Variants in TRAF3IP3 observed in about 807,000 individuals in gnomAD.
TRAF3IP3 encodes the protein TRAF3-interacting JNK-activating modulator.
Under a neutral mutation model 86.5 loss-of-function variants are expected in TRAF3IP3, and 64 were observed. The ratio of observed to expected loss-of-function variants is 0.74; its 90% confidence interval spans 0.60 to 0.91. TRAF3IP3 has a LOEUF of 0.91. Ranked by LOEUF, TRAF3IP3 falls within the 40% of genes least tolerant of loss-of-function variation. The pLI is 0.00. For synonymous variants in TRAF3IP3, 220 were observed against 243.9 expected, an observed-to-expected ratio of 0.90 and a Z score of 0.91; for missense variants, 579 against 642.9, an observed-to-expected ratio of 0.90 and a Z score of 1.07.
chr1:209,760,707 A>G (rs1300920500), intron 3 of TRAF3IP3, among the ~76,000 whole-genome samples: 1 of 152,180 alleles, frequency 6.6e-6, no homozygotes, highest in African/African-American at 2.4e-5. Context: ...CCAAGGCAGG[A>G]GGATCACTTG....
Position 209,763,409 on chromosome 1 carries a change from C to A in TRAF3IP3, c.606+17C>A, listed in dbSNP as rs1328343449. The stretch of plus-strand genomic sequence containing the variant: ...TACCTCAAAGTAAGTGGCATGTGAC[C>A]CCTCCCCTCAGTTCCTCCATCCACT... On this transcript the variant is annotated intron_variant, in intron 7 of 16. Coordinates refer to ENST00000367025, the MANE Select transcript of TRAF3IP3 (RefSeq NM_025228.4). 1.2e-6 allele frequency: 2 copies of A among 1,613,586 alleles called. No individual in the cohort carries two copies. The highest frequency in any genetic ancestry group is 1.7e-5 in the Admixed American group (1 of 59,996).
intron 1 of TRAF3IP3, among the ~76,000 whole-genome samples, chr1:209,758,235 C>A (rs2077186796): frequency 6.6e-6 from 1 of 152,190 alleles, no homozygotes; most frequent in African/African-American, 2.4e-5. Flanking sequence ...CCCACTCCCA[C>A]CCTTATCCGA....
chr1:209,763,575 C>A lies in TRAF3IP3; in HGVS notation c.690C>A (p.Asp230Glu). The change falls in exon 8 of 17, where the codon GAC becomes GAA. Residue 230 changes from aspartate (D) to glutamate (E), a missense_variant. Transcript: ENST00000367025. ...DLLSTLIQASDSSWKGQLNED... is the reference protein window; with the variant it reads ...DLLSTLIQASESSWKGQLNED... ...TGTCCACTCTGATTCAGGCCTCTGA[C>A]AGCTCTTGGAAGGTAAGGGAATGAA... 1 of 1,613,700 alleles carries A rather than the reference C, an allele frequency of 6.2e-7. No individual in the cohort carries two copies. The highest frequency in any genetic ancestry group is 1.3e-5 in the African/African-American group (1 of 74,986).
At chr1:209,771,900 G>GGT (rs1160322885) in intron 8 of TRAF3IP3, among the ~76,000 whole-genome samples, 1 of 122,168 alleles carries the variant, frequency 8.2e-6, no homozygotes, top group Non-Finnish European at 1.8e-5. Flanking sequence ...CGCATGTGAA[G>GGT]GTGTGTGTGT....
chr1:209,765,299 T>C (rs1277658966), intron 8 of TRAF3IP3, among the ~76,000 whole-genome samples: 1 of 144,402 alleles, frequency 6.9e-6, no homozygotes. Flanking sequence ...GAAATTAAGA[T>C]AGAAATTGAG....
chr1:209,766,930 G>C (rs1262840239), intron 8 of TRAF3IP3, among the ~76,000 whole-genome samples: 1 of 152,320 alleles, frequency 6.6e-6, no homozygotes, highest in East Asian at 1.9e-4. Flanking sequence ...GAGCTAACCA[G>C]TAGAGAAGCA....
intron 8 of TRAF3IP3, among the ~76,000 whole-genome samples, chr1:209,772,317 G>T (rs1401301853): frequency 6.6e-6 from 1 of 152,082 alleles, no homozygotes; most frequent in Non-Finnish European, 1.5e-5. Context: ...GCAGTGCCCT[G>T]ATCTCCTCTT....
intron 9 of TRAF3IP3, among the ~76,000 whole-genome samples, chr1:209,775,112 A>C (rs113267792): frequency 1.1e-4 from 16 of 152,302 alleles, no homozygotes; most frequent in African/African-American, 3.1e-4. Context: ...AAGAGCTTGC[A>C]GAAGGCCTCA....
intron 8 of TRAF3IP3, among the ~76,000 whole-genome samples, chr1:209,769,553 C>T (rs1286262643): frequency 6.6e-6 from 1 of 152,230 alleles, no homozygotes; most frequent in Admixed American, 6.5e-5. Flanking sequence ...ACACAGGAAG[C>T]TGAAAGGGTG....
intron 11 of TRAF3IP3, chr1:209,776,654 A>AG (rs386369503): frequency 4.6e-5 from 1 of 21,588 alleles, no homozygotes; most frequent in Admixed American, 6.4e-4. Context: ...GACCCTAACC[A>AG]AAAAAAAAAC....
chr1:209,768,179 C>G, intron 8 of TRAF3IP3: 3 of 985,404 alleles, frequency 3.0e-6, no homozygotes, highest in Non-Finnish European at 3.6e-6. Context: ...AGAACTGGTT[C>G]AGACCTTTAT....
Position 209,763,486 on chromosome 1 carries a change from C to T in TRAF3IP3, c.607-6C>T. 1.2e-6 allele frequency: 2 copies of T among 1,614,038 alleles called. No individual in the cohort carries two copies. Among genetic ancestry groups the T allele is most frequent in the Non-Finnish European group, 1.7e-6 (2 of 1,179,906 alleles). On this transcript the variant is annotated splice_polypyrimidine_tract_variant and splice_region_variant and intron_variant, in intron 7 of 16. Transcript: ENST00000367025. ...ACCCTCTTGCACTTTGTGCCCGCAC[C>T]CCCAGGAGGCCCTACAAAGGGAGCT...
intron 8 of TRAF3IP3, among the ~76,000 whole-genome samples, chr1:209,770,486 G>C (rs1366725240): frequency 6.8e-6 from 1 of 147,000 alleles, no homozygotes; most frequent in African/African-American, 2.5e-5. Context: ...TGTGCATGTG[G>C]AAGTGTGCGT....
rs575053045 is a variant in TRAF3IP3 at position 209,781,448 on chromosome 1, T to A, written c.1553T>A (p.Leu518Gln). Residue 518 changes from leucine (L) to glutamine (Q), a missense_variant, in exon 16 of 17, where the codon CTG (leucine) becomes CAG (glutamine). Physicochemically the swap from Leu to Gln is moderately radical, Grantham distance 113 (BLOSUM62 -2). Coordinates refer to ENST00000367025, the MANE Select transcript of TRAF3IP3 (RefSeq NM_025228.4). ...CREELNQSQQLPPRRQCGRWL... is the reference protein window; with the variant it reads ...CREELNQSQQQPPRRQCGRWL... ...GAAGAGCTGAACCAGAGCCAGCAGCTGCCTCCCAGAGTAAGAGGGTCTCTC... is the reference window on the plus strand; with the variant it reads ...GAAGAGCTGAACCAGAGCCAGCAGCAGCCTCCCAGAGTAAGAGGGTCTCTC... 8.1e-6 allele frequency: 13 copies of A among 1,612,664 alleles called. No individual in the cohort carries two copies. In the South Asian group the frequency reaches 1.3e-4, roughly 16 times the overall value.
In TRAF3IP3 at chr1:209,760,153, T is replaced by G. The variant is rs937374824; in HGVS notation, c.114T>G (p.Asn38Lys). The G allele has an allele frequency of 3.1e-6, 5 of 1,614,204 alleles. No homozygotes were observed. Among genetic ancestry groups the G allele is most frequent in the Non-Finnish European group, 4.2e-6 (5 of 1,180,036 alleles). Residue 38 changes from asparagine to lysine, a missense_variant, in exon 3 of 17, where the codon AAT becomes AAG. Transcript: ENST00000367025. ...GTGAAAGCCGCCGCTGCCGTCCCAA[T>G]GTGACCACTTGCCGCCAGGTGGGGA... is the stretch of plus-strand genomic sequence containing the variant. ...EIRESRRCRP[N>K]VTTCRQVGKT...
chr1:209,757,728 A>G (rs2077178730), intron 1 of TRAF3IP3, among the ~76,000 whole-genome samples: 1 of 152,200 alleles, frequency 6.6e-6, no homozygotes, highest in Non-Finnish European at 1.5e-5. Context: ...AATATCCAAC[A>G]TCGGCATAAC....
intron 3 of TRAF3IP3, among the ~76,000 whole-genome samples, chr1:209,761,787 C>T (rs1430897664): frequency 2.0e-5 from 3 of 152,358 alleles, no homozygotes; most frequent in African/African-American, 7.2e-5. Flanking sequence ...GATCTGAACC[C>T]AGATCCCCTC....
At chr1:209,762,693 G>A in intron 4 of TRAF3IP3, 31 bp downstream of exon 4, 2 of 1,591,038 alleles carry the variant, frequency 1.3e-6, no homozygotes, top group Non-Finnish European at 1.7e-6. Flanking sequence ...ACTCCACAGG[G>A]CCTGCAGAGA....
chr1:209,781,416 C>T lies in TRAF3IP3; in HGVS notation c.1521C>T (p.His507=), dbSNP rs1177015290. ...TCTCCTGCCTGCGTAAGCTGCAGCA[C>T]TGTCGAGAAGAGCTGAACCAGAGCC... ...EYLSCLRKLQ[H]CREELNQSQQ... is the part of the protein sequence containing the mutation. The change falls in exon 16 of 17, where the codon CAC becomes CAT. Residue 507 remains histidine, a synonymous_variant. Coordinates refer to ENST00000367025, the MANE Select transcript of TRAF3IP3 (RefSeq NM_025228.4). 1 of 1,613,672 alleles carries T rather than the reference C, an allele frequency of 6.2e-7. No homozygotes were observed. The highest frequency in any genetic ancestry group is 8.5e-7 in the Non-Finnish European group (1 of 1,179,784).
Sources: gnomAD v4.1 joint callset for allele counts (sites outside exome capture counted in the v4.1 genomes callset) on GRCh38, gnomAD v4.1.1 for gene constraint, MANE v1.5 for transcripts, NCBI Gene and HGNC (gene_info 2026-07-23, HGNC 2026-07-21) for gene names.